The following ELMO1 variants were observed in gnomAD, a reference collection of about 807,000 sequenced individuals.
ELMO1 encodes engulfment and cell motility 1.
In ELMO1, 26 loss-of-function variants were observed where a neutral mutation model predicts 98.9. That is an observed-to-expected ratio of 0.26 (90% CI 0.19 to 0.36). The LOEUF is 0.36. Ranked by LOEUF, ELMO1 falls within the 10% of genes least tolerant of loss-of-function variation. The pLI, the probability that ELMO1 is intolerant of heterozygous loss-of-function variation, is 1.00. For missense variants in ELMO1, 627 were observed against 935.2 expected (o/e 0.67, Z 4.30); for synonymous variants, 346 against 346.0 (o/e 1.00, Z 0.00).
At chr7:37,030,621 CAG>C (rs1460018734) in intron 15 of ELMO1, among the ~76,000 whole-genome samples, 1 of 152,138 alleles carries the variant, frequency 6.6e-6, no homozygotes, top group Non-Finnish European at 1.5e-5. Flanking sequence ...TACTACCTCA[CAG>C]GGGAAAAAAG....
At chr7:37,441,354 A>G (rs1805409723) in intron 1 of ELMO1, among the ~76,000 whole-genome samples, 1 of 152,190 alleles carries the variant, frequency 6.6e-6, no homozygotes, top group Non-Finnish European at 1.5e-5. Flanking sequence ...TACATAAGAA[A>G]GTTAACATGG....
chr7:37,201,610 G>C (rs1792299028), intron 13 of ELMO1, among the ~76,000 whole-genome samples: 2 of 152,180 alleles, frequency 1.3e-5, no homozygotes, highest in African/African-American at 4.8e-5. Flanking sequence ...GCCCTCTAAG[G>C]AGACCCCAAG....
chr7:37,374,295 T>A (rs1403000122), intron 1 of ELMO1, among the ~76,000 whole-genome samples: 4 of 152,128 alleles, frequency 2.6e-5, no homozygotes, highest in African/African-American at 9.7e-5. Flanking sequence ...TTGCTGTTGT[T>A]ATGCAACCAT....
At position 36,862,055 on chromosome 7, in the gene ELMO1, G is replaced by A. The variant is rs139838757; in HGVS notation, c.1906-319C>T. 208 of 309,136 alleles carry A rather than the reference G, an allele frequency of 6.7e-4. 1 individual carries two copies. Among genetic ancestry groups the A allele is most frequent in the African/African-American group, 3.7e-3 (179 of 47,904 alleles). The allele number at this position is 309,136 out of a possible 1,614,324, so 19.1% of individuals were successfully genotyped here. A position where few individuals can be genotyped will look rare whatever the true frequency, so the allele number is the denominator to read the frequency against. ...GACAGCACCGCCTGCCTCCTCGCCC[G>A]CCACCAAAACTGTGTTATTCTCCTT... On this transcript the variant is annotated intron_variant, in intron 20 of 21. Coordinates refer to ENST00000310758, the MANE Select transcript of ELMO1 (RefSeq NM_014800.11).
At chr7:37,324,315 T>C (rs1245689449) in intron 2 of ELMO1, among the ~76,000 whole-genome samples, 6 of 152,156 alleles carry the variant, frequency 3.9e-5, no homozygotes, top group South Asian at 4.1e-4. Flanking sequence ...CCCACACACC[T>C]GTTTTAGCCA....
At chr7:37,062,265 G>T (rs1193457104) in intron 15 of ELMO1, among the ~76,000 whole-genome samples, 1 of 152,178 alleles carries the variant, frequency 6.6e-6, no homozygotes, top group Non-Finnish European at 1.5e-5. Context: ...AATGACTCAT[G>T]GTGATTAAGA....
chr7:36,922,347 CAA>C (rs750588423), intron 16 of ELMO1, among the ~76,000 whole-genome samples: 7,780 of 85,374 alleles, frequency 0.091, 180 homozygotes, highest in South Asian at 0.16. Context: ...CACAGACTTG[CAA>C]AAAAAAAAAA....
chr7:37,169,568 G>T (rs1256826583), intron 13 of ELMO1, among the ~76,000 whole-genome samples: 1 of 152,208 alleles, frequency 6.6e-6, no homozygotes, highest in African/African-American at 2.4e-5. Context: ...AAAATGTATT[G>T]TTAAGATTTG....
intron 16 of ELMO1, among the ~76,000 whole-genome samples, chr7:36,973,105 G>T (rs1472575099): frequency 1.3e-5 from 2 of 152,204 alleles, no homozygotes; most frequent in East Asian, 3.9e-4. Context: ...ATATTTTTGA[G>T]GAGGACATAT....
chr7:37,297,904 C>T (rs1450520605), intron 4 of ELMO1, among the ~76,000 whole-genome samples: 2 of 152,206 alleles, frequency 1.3e-5, no homozygotes, highest in East Asian at 1.9e-4. Flanking sequence ...ATATTTTACA[C>T]ACTTGTAAAA....
intron 1 of ELMO1, among the ~76,000 whole-genome samples, chr7:37,391,561 C>A (rs555785199): frequency 1.1e-3 from 175 of 152,318 alleles, no homozygotes; most frequent in African/African-American, 4.1e-3. Flanking sequence ...TCTAAAAATT[C>A]TTTGAAGAAA....
chr7:37,176,113 G>C (rs1790484732), intron 13 of ELMO1, among the ~76,000 whole-genome samples: 2 of 152,176 alleles, frequency 1.3e-5, no homozygotes, highest in Non-Finnish European at 2.9e-5. Flanking sequence ...TCATTTACTA[G>C]AGATAATAAT....
chr7:36,992,825 C>T (rs181683603), intron 16 of ELMO1, among the ~76,000 whole-genome samples: 8 of 152,298 alleles, frequency 5.3e-5, no homozygotes, highest in South Asian at 2.1e-4. Context: ...ATTAAACCCA[C>T]GGCTCACCAT....
chr7:37,123,536 G>T (rs950101059), intron 14 of ELMO1, among the ~76,000 whole-genome samples: 3 of 152,182 alleles, frequency 2.0e-5, no homozygotes, highest in African/African-American at 4.8e-5. Context: ...AGAAAATCTA[G>T]AAGAAATGGA....
intron 17 of ELMO1, among the ~76,000 whole-genome samples, chr7:36,891,678 C>G (rs1805562268): frequency 6.6e-6 from 1 of 152,178 alleles, no homozygotes; most frequent in Non-Finnish European, 1.5e-5. Flanking sequence ...ATGACTCTGT[C>G]AAATCCTTAT....
chr7:37,152,129 G>A (rs1788408435), intron 13 of ELMO1, among the ~76,000 whole-genome samples: 1 of 152,168 alleles, frequency 6.6e-6, no homozygotes, highest in African/African-American at 2.4e-5. Flanking sequence ...AAACTACTAT[G>A]TTAAAAAATA....
At chr7:37,239,587 T>C (rs1036677220) in intron 7 of ELMO1, among the ~76,000 whole-genome samples, 12 of 152,200 alleles carry the variant, frequency 7.9e-5, no homozygotes, top group Non-Finnish European at 1.5e-4. Context: ...AGAACAGAGA[T>C]TGAGTACGAG....
At chr7:37,436,979 A>G (rs1406065537) in intron 1 of ELMO1, among the ~76,000 whole-genome samples, 1 of 152,238 alleles carries the variant, frequency 6.6e-6, no homozygotes, top group East Asian at 1.9e-4. Flanking sequence ...AGAAAATTTA[A>G]CAATTTACAA....
chr7:37,040,100 AG>A (rs1462129949), intron 15 of ELMO1, among the ~76,000 whole-genome samples: 2 of 152,044 alleles, frequency 1.3e-5, no homozygotes, highest in African/African-American at 2.4e-5. Context: ...AGTGTGACTA[AG>A]GAATTAAATT....
Sources: allele counts gnomAD v4.1 joint callset (sites outside exome capture counted in the v4.1 genomes callset), GRCh38; gene constraint gnomAD v4.1.1; transcripts MANE v1.5; gene names NCBI Gene and HGNC (gene_info 2026-07-23, HGNC 2026-07-21).